SAP30BP: variants seen among roughly 807,000 people sequenced by gnomAD.
SAP30BP encodes the protein SAP30-binding protein.
Under a neutral mutation model 46.3 loss-of-function variants are expected in SAP30BP, and 31 were observed. The ratio of observed to expected loss-of-function variants is 0.67; its 90% CI spans 0.50 to 0.90. The LOEUF is 0.90. Among genes scored for constraint, SAP30BP ranks in the 40% least tolerant of loss-of-function variants. The pLI is 0.00. For missense variants in SAP30BP, 312 were observed against 391.0 expected, an observed-to-expected ratio of 0.80 and a Z score of 1.70; for synonymous variants, 169 against 144.2, an observed-to-expected ratio of 1.17 and a Z score of -1.23.
intron 2 of SAP30BP, among the ~76,000 whole-genome samples, chr17:75,670,149 C>T (rs1436433366): frequency 1.3e-5 from 2 of 151,910 alleles, no homozygotes; most frequent in African/African-American, 4.8e-5. Flanking sequence ...TGGTGAAACC[C>T]CATCTCTACT....
intron 3 of SAP30BP, among the ~76,000 whole-genome samples, chr17:75,675,856 G>T (rs997538441): frequency 6.6e-6 from 1 of 152,224 alleles, no homozygotes; most frequent in African/African-American, 2.4e-5. Flanking sequence ...GGTAGAGGTT[G>T]CAGTGAGCTG....
At chr17:75,677,825 G>A (rs186476178) in intron 3 of SAP30BP, among the ~76,000 whole-genome samples, 6 of 149,274 alleles carry the variant, frequency 4.0e-5, no homozygotes, top group Admixed American at 6.7e-5. Context: ...TGTTCTAAAG[G>A]CTAGCAGTTT....
intron 3 of SAP30BP, among the ~76,000 whole-genome samples, chr17:75,683,108 G>T (rs571447221): frequency 1.4e-5 from 2 of 146,978 alleles, no homozygotes; most frequent in Non-Finnish European, 3.0e-5. Context: ...GCAGTGGTGC[G>T]ATCTCAGCTC....
chr17:75,674,690 GTTTTTTGTTTTTTTTTTT>G (rs1221997983), intron 3 of SAP30BP, among the ~76,000 whole-genome samples: 11 of 39,578 alleles, frequency 2.8e-4, no homozygotes, highest in African/African-American at 6.0e-4. Context: ...TTTTTTGTTT[GTTTTTTGTTTTTTTTTTT>G]TTTTTTTTTT....
chr17:75,674,214 G>A (rs1391523135), intron 3 of SAP30BP, among the ~76,000 whole-genome samples: 2 of 151,988 alleles, frequency 1.3e-5, no homozygotes, highest in Non-Finnish European at 2.9e-5. Flanking sequence ...GCTTGAGCTG[G>A]CCTCAGACTC....
In SAP30BP at chr17:75,696,421, A is replaced by G. The variant is rs1460005215; in HGVS notation, c.307+2939A>G. ...TAGCCAGGCATGGTGGTACTTGCCTATAGTCCAAGCTACCCGGGAGGCTGA... is the reference window on the plus strand; with the variant it reads ...TAGCCAGGCATGGTGGTACTTGCCTGTAGTCCAAGCTACCCGGGAGGCTGA... On this transcript the variant is annotated intron_variant, in intron 4 of 10. Coordinates refer to ENST00000584667, the MANE Select transcript of SAP30BP (RefSeq NM_013260.8). Among the ~76,000 whole-genome samples, 9 of 151,802 alleles carry G rather than the reference A, an allele frequency of 5.9e-5. No individual in the cohort carries two copies. The South Asian group carries it at 1.7e-3, about 28-fold the overall frequency.
intron 3 of SAP30BP, among the ~76,000 whole-genome samples, chr17:75,674,711 T>TG (rs1568300504): frequency 1.8e-5 from 2 of 110,012 alleles, no homozygotes; most frequent in African/African-American, 7.3e-5. Flanking sequence ...TTTTTTTTTT[T>TG]TTTTTTTTTT....
intron 3 of SAP30BP, among the ~76,000 whole-genome samples, chr17:75,681,962 C>A (rs1441023879): frequency 6.6e-6 from 1 of 151,844 alleles, no homozygotes; most frequent in Non-Finnish European, 1.5e-5. Context: ...GCGCTGCTGG[C>A]GAGCCCTGAC....
At chr17:75,690,676 G>A (rs952366924) in intron 3 of SAP30BP, 3 of 456,530 alleles carry the variant, frequency 6.6e-6, no homozygotes, top group African/African-American at 6.0e-5. Flanking sequence ...TTTAGGAGAA[G>A]CTCGGCACAG....
Position 75,704,736 on chromosome 17 carries a change from A to G in SAP30BP, c.602-20A>G. On this transcript the variant is annotated intron_variant, in intron 8 of 10. Transcript: ENST00000584667. ...GCTGCTCGGGGGCCACCTTTGTAAC[A>G]GCTTCTCTTGTCTTCATAGCCAAGG... The G allele has an allele frequency of 6.2e-7, 1 of 1,609,032 alleles. No homozygotes were observed. Among genetic ancestry groups the G allele is most frequent in the South Asian group, 1.1e-5 (1 of 90,998 alleles).
chr17:75,678,991 GTTTTT>G (rs1008252984), intron 3 of SAP30BP, among the ~76,000 whole-genome samples: 2 of 134,450 alleles, frequency 1.5e-5, no homozygotes, highest in Non-Finnish European at 3.2e-5. Context: ...TTTCAGGCAA[GTTTTT>G]TTTTTTTTTT....
At chr17:75,673,207 G>A (rs970450745) in intron 3 of SAP30BP, among the ~76,000 whole-genome samples, 2 of 152,202 alleles carry the variant, frequency 1.3e-5, no homozygotes, top group African/African-American at 4.8e-5. Context: ...AAGTTTTGGC[G>A]CCAGCATGCA....
rs143739015 is a variant in SAP30BP, at chr17:75,706,053, A to G, written c.706A>G (p.Thr236Ala). The G allele has an allele frequency of 1.4e-4, 218 of 1,613,530 alleles. No homozygotes were observed. The highest frequency in any genetic ancestry group is 1.6e-4 in the Non-Finnish European group (194 of 1,179,962). ...GTKKGTTTNA[T>A]STTTTTASTA... ...CAAAAAAGGCACCACGACCAACGCCACGTCCACCACCACTACCACTGCCAG... is the reference window on the plus strand; with the variant it reads ...CAAAAAAGGCACCACGACCAACGCCGCGTCCACCACCACTACCACTGCCAG... The change falls in exon 10 of 11, where the codon ACG (threonine) becomes GCG (alanine). Residue 236 changes from threonine (T) to alanine (A), a missense_variant. Around this residue, in one of 2 missense-constraint regions of SAP30BP, gnomAD observed 296 missense variants for 346.6 expected, o/e 0.85. Transcript: ENST00000584667. This position sits in a 1 kb window ranked among gnomAD's most constrained non-coding sequence, Gnocchi z 4.6.
chr17:75,668,464 T>C, intron 1 of SAP30BP, 52 bp from the exon 2 acceptor site: 2 of 1,193,008 alleles, frequency 1.7e-6, no homozygotes, highest in Non-Finnish European at 2.4e-6. Flanking sequence ...ATTGTAACTC[T>C]TGTTTTTTTT....
Position 75,693,496 on chromosome 17 carries a change from G to A in SAP30BP, c.307+14G>A, listed in dbSNP as rs751644407. On this transcript the variant is annotated intron_variant, in intron 4 of 10. Coordinates refer to ENST00000584667, the MANE Select transcript of SAP30BP (RefSeq NM_013260.8). ...AGGAACTCGTGGGTGAGTATTGGGG[G>A]ATCCTGGGGGCACGTTTCTCAGCCT... 28 of 1,612,150 alleles carry A rather than the reference G, an allele frequency of 1.7e-5. No individual in the cohort carries two copies. Among genetic ancestry groups the A allele is most frequent in the South Asian group, 1.1e-5 (1 of 90,806 alleles).
chr17:75,702,940 C>A, intron 6 of SAP30BP: 1 of 313,194 alleles, frequency 3.2e-6, no homozygotes, highest in Non-Finnish European at 5.9e-6. Context: ...CTGATTTTTG[C>A]ATATAGGTGA....
chr17:75,698,194 C>T (rs975465550), intron 4 of SAP30BP, among the ~76,000 whole-genome samples: 3 of 152,202 alleles, frequency 2.0e-5, no homozygotes, highest in East Asian at 1.9e-4. Flanking sequence ...CAAGGCCTGC[C>T]GGACAGTGGC....
chr17:75,670,634 G>A (rs963959342), intron 2 of SAP30BP, among the ~76,000 whole-genome samples: 2 of 152,166 alleles, frequency 1.3e-5, no homozygotes, highest in African/African-American at 4.8e-5. Flanking sequence ...CCTCTCATCA[G>A]ATCTTGTTGT....
chr17:75,673,077 A>C (rs2059930799), intron 3 of SAP30BP, among the ~76,000 whole-genome samples: 1 of 152,208 alleles, frequency 6.6e-6, no homozygotes, highest in Admixed American at 6.5e-5. Flanking sequence ...ATTCTTGAAA[A>C]TATAGTGTGA....
Sources: gnomAD v4.1 joint callset for allele counts (sites outside exome capture counted in the v4.1 genomes callset) on GRCh38, gnomAD v4.1.1 for gene constraint, gnomAD v4.1.1 regional missense constraint, Gnocchi (gnomAD v3.1) non-coding constraint, MANE v1.5 for transcripts, NCBI Gene and HGNC (gene_info 2026-07-23, HGNC 2026-07-21) for gene names.